The following PBLD variants were observed in gnomAD, a reference collection of about 807,000 sequenced individuals.
PBLD encodes phenazine biosynthesis like protein domain containing, also known as phenazine biosynthesis-like domain-containing protein.
PBLD carries 26 observed loss-of-function variants against 31.3 expected under a neutral mutation model. That is an observed-to-expected ratio of 0.83 (90% confidence interval 0.61 to 1.15). PBLD has a LOEUF of 1.15. Ranked by LOEUF, PBLD falls within the 50% of genes most tolerant of loss-of-function variation. The probability of loss-of-function intolerance (pLI) is 0.00; values close to 1 mark genes in which losing one functional copy is unlikely to be tolerated. For missense variants in PBLD, 307 were observed against 351.7 expected (o/e 0.87, Z 1.02); for synonymous variants, 114 against 129.0 (o/e 0.88, Z 0.79).
Position 68,308,845 on chromosome 10 carries a change from GGTGTGT to G in PBLD, c.-59-1948_-59-1943del, listed in dbSNP as rs374363010. Among the ~76,000 whole-genome samples the G allele has an allele frequency of 1.2e-3, 156 of 130,434 alleles. 2 individuals are homozygous for G. Among genetic ancestry groups the G allele is most frequent in the African/African-American group, 4.2e-3 (148 of 35,160 alleles). The allele number at this position is 130,434 out of a possible 152,430, so 85.6% of individuals were successfully genotyped here. A position where few individuals can be genotyped will look rare whatever the true frequency, so the allele number is the denominator to read the frequency against. On this transcript the variant is annotated intron_variant, in intron 1 of 9. Transcript: ENST00000358769. ...GTGCCCCACTGCACCTGACCTGCAT[GGTGTGT>G]GTGTGTGTGTGTGTGTGTGTGTGTG... is the stretch of plus-strand genomic sequence containing the variant.
rs2044256284 is a variant in PBLD, at chr10:68,283,887, C to T, written c.*290G>A. 3.7e-6 allele frequency: 1 copy of T among 267,996 alleles called. No individual in the cohort carries two copies. The highest frequency in any genetic ancestry group is 7.3e-6 in the Non-Finnish European group (1 of 137,606). The allele number at this position is 267,996 out of a possible 1,614,324, so 16.6% of individuals were successfully genotyped here. A position where few individuals can be genotyped will look rare whatever the true frequency, so the allele number is the denominator to read the frequency against. ...TCAGCCTCCCAAGTAGCTGGAATTACAGGCATGTGGCACCACACCCAGCTA... is the reference window on the plus strand; with the variant it reads ...TCAGCCTCCCAAGTAGCTGGAATTATAGGCATGTGGCACCACACCCAGCTA... On this transcript the variant is annotated 3_prime_UTR_variant, in exon 10 of 10. Coordinates refer to ENST00000358769, the MANE Select transcript of PBLD (RefSeq NM_022129.4).
At chr10:68,287,883 C>A (rs1262645744) in intron 8 of PBLD, 1 of 152,334 alleles carries the variant, frequency 6.6e-6, no homozygotes, top group Non-Finnish European at 1.5e-5. Context: ...ATGATGAAAT[C>A]CTATCTCTAG....
In PBLD at chr10:68,319,224, A is replaced by G. The variant is rs554860594; in HGVS notation, c.-59-12321T>C. Among the ~76,000 whole-genome samples, 3 of 152,258 alleles carry G rather than the reference A, an allele frequency of 2.0e-5. No individual in the cohort carries two copies. The South Asian group carries it at 6.2e-4, about 32-fold the overall frequency. On this transcript the variant is annotated intron_variant, in intron 1 of 9. Coordinates refer to ENST00000358769, the MANE Select transcript of PBLD (RefSeq NM_022129.4). ...AAAAGGATGAAAATATCAAGTTACCATAAAAGAAGGCAGTAATGCAGGAGT... is the reference window on the plus strand; with the variant it reads ...AAAAGGATGAAAATATCAAGTTACCGTAAAAGAAGGCAGTAATGCAGGAGT...
In PBLD at chr10:68,306,796, G is replaced by A. The variant is rs12359690; in HGVS notation, c.49C>T (p.Arg17Cys). The stretch of plus-strand genomic sequence containing the variant: ...AGGCAAACAGCAGCAGGATTCCCAC[G>A]AAATGCTCTTGCTGTGAATGCATCT... ...IADAFTARAF[R>C]GNPAAVCLLE... The change falls in exon 2 of 10, where the codon CGT becomes TGT. Residue 17 changes from arginine (R) to cysteine (C), a missense_variant. Physicochemically the swap from Arg to Cys is radical, Grantham distance 180. Coordinates refer to ENST00000358769, the MANE Select transcript of PBLD (RefSeq NM_022129.4). 69,228 of 1,611,498 alleles carry A rather than the reference G, an allele frequency of 0.043. 1,679 individuals are homozygous for A. Among genetic ancestry groups the A allele is most frequent in the Middle Eastern group, 0.05 (301 of 6,050 alleles).
chr10:68,287,596 C>G (rs1452237630), intron 8 of PBLD: 1 of 152,504 alleles, frequency 6.6e-6, no homozygotes, highest in Non-Finnish European at 1.5e-5. Context: ...ACCCACCATC[C>G]TCCCACATCA....
rs57358655 is a variant in PBLD at position 68,298,757 on chromosome 10, T to TACACAC, written c.85-1778_85-1773dup. ...GTGAAGATATATACATGCATACGAA[T>TACACAC]ACACACACACACACACACACACACA... On this transcript the variant is annotated intron_variant, in intron 2 of 9. Transcript: ENST00000358769. Among the ~76,000 whole-genome samples, 776 of 147,262 alleles carry TACACAC rather than the reference T, an allele frequency of 5.3e-3. 5 individuals are homozygous for TACACAC. Among genetic ancestry groups the TACACAC allele is most frequent in the African/African-American group, 0.017 (683 of 39,568 alleles).
intron 2 of PBLD, among the ~76,000 whole-genome samples, chr10:68,305,572 A>C (rs1211545881): frequency 2.6e-5 from 4 of 152,066 alleles, no homozygotes; most frequent in Non-Finnish European, 1.5e-5. Context: ...TGGCCAACAT[A>C]ACGAAACCCC....
intron 1 of PBLD, among the ~76,000 whole-genome samples, chr10:68,314,801 T>C (rs2044715442): frequency 6.6e-6 from 1 of 151,998 alleles, no homozygotes; most frequent in Non-Finnish European, 1.5e-5. Context: ...TATTTATTTA[T>C]TTATTTGAGA....
intron 1 of PBLD, among the ~76,000 whole-genome samples, chr10:68,316,158 G>A (rs1207045656): frequency 2.0e-5 from 3 of 152,054 alleles, no homozygotes; most frequent in South Asian, 2.1e-4. Context: ...TCCCAATGTC[G>A]GGCTTACTAG....
At chr10:68,307,051 T>G (rs530325534) in intron 1 of PBLD, 148 bp from the exon 2 acceptor site, 1 of 439,678 alleles carries the variant, frequency 2.3e-6, no homozygotes, top group African/African-American at 2.0e-5. Context: ...TTTTTTGAGA[T>G]GGAGTCTTGC....
chr10:68,307,390 A>AT (rs2044595992), intron 1 of PBLD, among the ~76,000 whole-genome samples: 2 of 152,008 alleles, frequency 1.3e-5, no homozygotes, highest in Admixed American at 1.3e-4. Flanking sequence ...GGCTAAATTG[A>AT]TTTTTTCCAT....
At position 68,314,782 on chromosome 10, in the gene PBLD, A is replaced by T. The variant is rs1261136479; in HGVS notation, c.-59-7879T>A. On this transcript the variant is annotated intron_variant, in intron 1 of 9. Coordinates refer to ENST00000358769, the MANE Select transcript of PBLD (RefSeq NM_022129.4). ...CAGGCTGATTTTTGTATTATTTTTAATTTAATTTTATTTATTTATTTATTT... is the reference window on the plus strand; with the variant it reads ...CAGGCTGATTTTTGTATTATTTTTATTTTAATTTTATTTATTTATTTATTT... 2.0e-5 allele frequency among the ~76,000 whole-genome samples: 3 copies of T among 151,510 alleles called. 1 individual carries two copies. Among genetic ancestry groups the T allele is most frequent in the Admixed American group, 2.0e-4 (3 of 15,184 alleles).
At chr10:68,289,047 G>A (rs2044324370) in intron 6 of PBLD, 28 bp from the exon 7 acceptor site, 1 of 1,573,208 alleles carries the variant, frequency 6.4e-7, no homozygotes, top group Non-Finnish European at 8.7e-7. Flanking sequence ...AAACTCCTCA[G>A]GGACATGCCC....
chr10:68,322,054 T>C lies in PBLD; in HGVS notation c.-60+10730A>G, dbSNP rs141502669. On this transcript the variant is annotated intron_variant, in intron 1 of 9. Transcript: ENST00000358769. ...ATGGAAAGACAGTAAAGAGTAACTT[T>C]ACAGTGGAGAAACCTAGCAAACACT... Among the ~76,000 whole-genome samples, 182 of 152,232 alleles carry C rather than the reference T, an allele frequency of 1.2e-3. 1 individual carries two copies. The highest frequency in any genetic ancestry group is 4.0e-3 in the African/African-American group (168 of 41,544).
At chr10:68,323,052 T>G (rs1265583809) in intron 1 of PBLD, among the ~76,000 whole-genome samples, 1 of 151,864 alleles carries the variant, frequency 6.6e-6, no homozygotes, top group Admixed American at 6.6e-5. Context: ...ATATAAGATG[T>G]TAACAGAGGA....
At chr10:68,304,320 T>C (rs1293680684) in intron 2 of PBLD, among the ~76,000 whole-genome samples, 1 of 152,226 alleles carries the variant, frequency 6.6e-6, no homozygotes, top group Non-Finnish European at 1.5e-5. Flanking sequence ...TAGATATCTA[T>C]TCAGGTGTCT....
chr10:68,323,963 G>A (rs780299988), intron 1 of PBLD, among the ~76,000 whole-genome samples: 4 of 152,104 alleles, frequency 2.6e-5, no homozygotes, highest in Admixed American at 6.6e-5. Flanking sequence ...TTTCCTACTA[G>A]ACACATTCAC....
intron 8 of PBLD, among the ~76,000 whole-genome samples, chr10:68,286,085 C>CTTTTT (rs71009034): frequency 0.6 from 62,185 of 103,056 alleles, 20,012 homozygotes; most frequent in Non-Finnish European, 0.71. Flanking sequence ...TTGAATAATT[C>CTTTTT]TTTTTTTTTT....
rs546706343 is a variant in PBLD, at chr10:68,322,967, C to G, written c.-60+9817G>C. Among the ~76,000 whole-genome samples the G allele has an allele frequency of 7.6e-4, 116 of 152,056 alleles. 1 individual carries two copies. The highest frequency in any genetic ancestry group is 1.4e-3 in the Non-Finnish European group (93 of 67,994). On this transcript the variant is annotated intron_variant, in intron 1 of 9. Coordinates refer to ENST00000358769, the MANE Select transcript of PBLD (RefSeq NM_022129.4). The stretch of plus-strand genomic sequence containing the variant: ...TGTTGCTCAGTCTGGTCTCAAACTC[C>G]TGGTCTCAAGCAATCCTCCTTCTTT...
Sources: allele counts gnomAD v4.1 joint callset (sites outside exome capture counted in the v4.1 genomes callset), GRCh38; gene constraint gnomAD v4.1.1; transcripts MANE v1.5; gene names NCBI Gene and HGNC (gene_info 2026-07-23, HGNC 2026-07-21).